SLC38A7: variants seen among roughly 807,000 people sequenced by gnomAD.
The protein encoded by SLC38A7 is sodium-coupled neutral amino acid transporter 7.
Under a neutral mutation model 50.1 loss-of-function variants are expected in SLC38A7, and 29 were observed. The observed-to-expected ratio is 0.58, with a 90% CI of 0.43 to 0.79. SLC38A7 has a LOEUF of 0.79. Among genes scored for constraint, SLC38A7 ranks in the 30% least tolerant of loss-of-function variants. The pLI, the probability that SLC38A7 is intolerant of heterozygous loss-of-function variation, is 0.00. For synonymous variants in SLC38A7, 244 were observed against 245.9 expected (o/e 0.99, Z 0.07); for missense variants, 483 against 610.6 (o/e 0.79, Z 2.20).
Position 58,678,690 on chromosome 16 carries a change from G to C in SLC38A7, c.469+6C>G. 1 of 1,613,512 alleles carries C rather than the reference G, an allele frequency of 6.2e-7. No individual in the cohort carries two copies. The highest frequency in any genetic ancestry group is 1.1e-5 in the South Asian group (1 of 91,018). On this transcript the variant is annotated splice_donor_region_variant and intron_variant, in intron 4 of 11. Transcript: ENST00000219320. This position sits in a 1 kb window ranked among gnomAD's most constrained non-coding sequence, Gnocchi z 4.0. ...AGATGGGGTAGGGACTGAGGGAGAAGCTCACTCTTGTCCTGCTGGTCGCCA... is the reference window on the plus strand; with the variant it reads ...AGATGGGGTAGGGACTGAGGGAGAACCTCACTCTTGTCCTGCTGGTCGCCA...
rs566577909 is a variant in SLC38A7, at chr16:58,669,992, AC to A, written c.1286+120del. On this transcript the variant is annotated intron_variant, in intron 11 of 11. Transcript: ENST00000219320. ...TCCGGCTCAAAAAAAAAAAAACAAA[AC>A]AAAAACCCATGATTTCTAAGTACAC... 141 of 896,962 alleles carry A rather than the reference AC, an allele frequency of 1.6e-4. No homozygotes were observed. The African/African-American group carries it at 2.3e-3, about 15-fold the overall frequency. 55.6% of individuals were successfully genotyped at this position (896,962 alleles called of 1,614,324 possible). A position where few individuals can be genotyped will look rare whatever the true frequency, so the allele number is the denominator to read the frequency against.
Position 58,678,919 on chromosome 16 carries a change from C to T in SLC38A7, c.271-25G>A. 1 of 1,606,858 alleles carries T rather than the reference C, an allele frequency of 6.2e-7. No individual in the cohort carries two copies. On this transcript the variant is annotated intron_variant, in intron 3 of 11. Coordinates refer to ENST00000219320, the MANE Select transcript of SLC38A7 (RefSeq NM_018231.3). This position sits in a 1 kb window ranked among gnomAD's most constrained non-coding sequence, Gnocchi z 4.0. ...CCTGCAGGCAGAGGCAGAACAAGAGCTTGTGGCAAAGGCCTGGCAGCAGAG... is the reference window on the plus strand; with the variant it reads ...CCTGCAGGCAGAGGCAGAACAAGAGTTTGTGGCAAAGGCCTGGCAGCAGAG...
At position 58,665,650 on chromosome 16, in the gene SLC38A7, A is replaced by G. The variant is rs530676561; in HGVS notation, c.*1735T>C. 33 of 152,840 alleles carry G rather than the reference A, an allele frequency of 2.2e-4. 1 individual carries two copies. The South Asian group carries it at 6.6e-3, about 31-fold the overall frequency. The allele number at this position is 152,840 out of a possible 1,614,324, so 9.5% of individuals were successfully genotyped here. Reference sequence around the variant, plus strand: ...GGGACAAGGAAATGCTAGGGGCTCCAGGTGGAGGAGGAAGTCTGATTGGTG... The same window carrying G: ...GGGACAAGGAAATGCTAGGGGCTCCGGGTGGAGGAGGAAGTCTGATTGGTG... On this transcript the variant is annotated 3_prime_UTR_variant, in exon 12 of 12. Coordinates refer to ENST00000219320, the MANE Select transcript of SLC38A7 (RefSeq NM_018231.3).
Position 58,679,936 on chromosome 16 carries a change from C to A in SLC38A7, c.191G>T (p.Cys64Phe), listed in dbSNP as rs779040411. 6.2e-7 allele frequency: 1 copy of A among 1,612,016 alleles called. No individual in the cohort carries two copies. Among genetic ancestry groups the A allele is most frequent in the Admixed American group, 1.7e-5 (1 of 59,866 alleles). ...LGAIFIVVNACLGAGLLNFPA... is the reference protein window; with the variant it reads ...LGAIFIVVNAFLGAGLLNFPA... ...GAAGTTGAGTAACCCTGCACCCAGG[C>A]ACGCGTTGACGACGATGAAGATGGC... The change falls in exon 3 of 12, where the codon TGC becomes TTC. Residue 64 changes from cysteine (C) to phenylalanine (F), a missense_variant. Coordinates refer to ENST00000219320, the MANE Select transcript of SLC38A7 (RefSeq NM_018231.3).
intron 8 of SLC38A7, among the ~76,000 whole-genome samples, chr16:58,674,902 C>A (rs930609446): frequency 3.0e-4 from 46 of 152,220 alleles, no homozygotes; most frequent in African/African-American, 1.1e-3. Context: ...CCAGAGCCAC[C>A]TTTCCCCGAA....
At chr16:58,677,909 T>G (rs929804271) in intron 5 of SLC38A7, among the ~76,000 whole-genome samples, 7 of 151,954 alleles carry the variant, frequency 4.6e-5, no homozygotes, top group South Asian at 2.1e-4. Context: ...AAGCCTAGAA[T>G]CCCACAGCCT....
chr16:58,679,174 T>C (rs1222638388), intron 3 of SLC38A7, among the ~76,000 whole-genome samples: 1 of 152,198 alleles, frequency 6.6e-6, no homozygotes, highest in Non-Finnish European at 1.5e-5. Flanking sequence ...GGAGGATCAC[T>C]TGAAGTCAGG....
chr16:58,672,108 T>G lies in SLC38A7; in HGVS notation c.1019A>C (p.His340Pro). The G allele has an allele frequency of 6.4e-7, 1 of 1,557,140 alleles. No homozygotes were observed. Among genetic ancestry groups the G allele is most frequent in the Non-Finnish European group, 8.7e-7 (1 of 1,150,726 alleles). Residue 340 changes from histidine (H) to proline (P), a missense_variant, in exon 9 of 12, where the codon CAC becomes CCC. By Grantham distance (77) the His-to-Pro change is moderately conservative. Coordinates refer to ENST00000219320, the MANE Select transcript of SLC38A7 (RefSeq NM_018231.3). The stretch of plus-strand genomic sequence containing the variant: ...GAAGGGGGCTCACCGCCCACAGAAG[T>G]GCAGGATAGGGTAGGAGGTGAGCAC... ...LSVLTSYPILHFCGRAVVEGL... is the reference protein window; with the variant it reads ...LSVLTSYPILPFCGRAVVEGL...
At chr16:58,675,710 G>A (rs375027653) in intron 8 of SLC38A7, among the ~76,000 whole-genome samples, 1 of 152,120 alleles carries the variant, frequency 6.6e-6, no homozygotes, top group Non-Finnish European at 1.5e-5. Flanking sequence ...GCTGAGAACC[G>A]TTCCTGGCAC....
At chr16:58,680,438 G>A (rs1314961842) in intron 2 of SLC38A7, among the ~76,000 whole-genome samples, 197 bp from the exon 3 acceptor site, 1 of 152,182 alleles carries the variant, frequency 6.6e-6, no homozygotes, top group Non-Finnish European at 1.5e-5. Flanking sequence ...CTTGCTTCAG[G>A]CATACAGACT....
In SLC38A7 at chr16:58,678,735, T is replaced by C. The variant is rs1054128496; in HGVS notation, c.430A>G (p.Ile144Val). 2 of 1,614,150 alleles carry C rather than the reference T, an allele frequency of 1.2e-6. No individual in the cohort carries two copies. The highest frequency in any genetic ancestry group is 1.7e-6 in the Non-Finnish European group (2 of 1,180,016). The change falls in exon 4 of 12, where the codon ATT becomes GTT. Residue 144 changes from isoleucine (I) to valine (V), a missense_variant. Coordinates refer to ENST00000219320, the MANE Select transcript of SLC38A7 (RefSeq NM_018231.3). The surrounding 1 kb of genome is among the most constrained non-coding windows in gnomAD (Gnocchi z 4.0). Reference protein sequence around the residue: ...AIAVYTFGTCIAFLIIIGDQQ... With the variant: ...AIAVYTFGTCVAFLIIIGDQQ... Reference sequence around the variant, plus strand: ...TCGCCAATGATGATTAGGAAGGCAATGCAGGTGCCAAAGGTGTAGACAGCG... The same window carrying C: ...TCGCCAATGATGATTAGGAAGGCAACGCAGGTGCCAAAGGTGTAGACAGCG...
Position 58,678,954 on chromosome 16 carries a change from G to A in SLC38A7, c.271-60C>T. 6.4e-7 allele frequency: 1 copy of A among 1,552,934 alleles called. No individual in the cohort carries two copies. The highest frequency in any genetic ancestry group is 2.3e-5 in the East Asian group (1 of 44,148). On this transcript the variant is annotated intron_variant, in intron 3 of 11. Transcript: ENST00000219320. The surrounding 1 kb of genome is among the most constrained non-coding windows in gnomAD (Gnocchi z 4.0). ...AGGCCTGGCAGCAGAGGGCACCCTG[G>A]GCTCGCCTAGCATTTACTGGGCCAG...
chr16:58,673,376 C>T (rs1393980051), intron 8 of SLC38A7, among the ~76,000 whole-genome samples: 1 of 151,956 alleles, frequency 6.6e-6, no homozygotes, highest in Non-Finnish European at 1.5e-5. Flanking sequence ...GCTGGGATTA[C>T]AGGCGCCCGC....
intron 8 of SLC38A7, among the ~76,000 whole-genome samples, chr16:58,673,051 C>T (rs1190674918): frequency 6.7e-6 from 1 of 149,428 alleles, no homozygotes; most frequent in Non-Finnish European, 1.5e-5. Context: ...CCTCAGCCTC[C>T]TGAGTAGCTG....
At position 58,679,993 on chromosome 16, in the gene SLC38A7, C is replaced by T. The variant is rs1340679489; in HGVS notation, c.134G>A (p.Gly45Asp). The T allele has an allele frequency of 2.5e-6, 4 of 1,612,194 alleles. No individual in the cohort carries two copies. The highest frequency in any genetic ancestry group is 3.4e-6 in the Non-Finnish European group (4 of 1,179,026). The change falls in exon 3 of 12, where the codon GGT becomes GAT. Residue 45 changes from glycine to aspartate, a missense_variant. Gly to Asp is a moderately conservative substitution (Grantham distance 94). Transcript: ENST00000219320. ...TGTGGAAGTGGTGCCTCTGTCCAGA[C>T]CCCCAGGAGAGGCTTCCCACTCACT... ...PKSEWEASPG[G>D]LDRGTTSTLG...
At chr16:58,671,955 G>A (rs967024416) in intron 9 of SLC38A7, 141 bp downstream of exon 9, 8 of 1,026,634 alleles carry the variant, frequency 7.8e-6, no homozygotes, top group Non-Finnish European at 1.1e-5. Flanking sequence ...GGGATATGTA[G>A]GGACCCATCC....
intron 6 of SLC38A7, among the ~76,000 whole-genome samples, chr16:58,676,744 C>T (rs1021239351): frequency 3.9e-5 from 6 of 152,114 alleles, no homozygotes; most frequent in Admixed American, 1.3e-4. Context: ...TTCTGCCTCC[C>T]AGGTTCACGC....
At position 58,679,953 on chromosome 16, in the gene SLC38A7, G is replaced by A; in HGVS notation, c.174C>T (p.Phe58=). The A allele has an allele frequency of 2.5e-6, 4 of 1,612,042 alleles. No homozygotes were observed. Among genetic ancestry groups the A allele is most frequent in the Non-Finnish European group, 3.4e-6 (4 of 1,178,672 alleles). ...CACCCAGGCACGCGTTGACGACGAT[G>A]AAGATGGCCCCAAGTGTGGAAGTGG... ...RGTTSTLGAI[F]IVVNACLGAG... Residue 58 remains phenylalanine, a synonymous_variant, in exon 3 of 12, where the codon TTC becomes TTT. Coordinates refer to ENST00000219320, the MANE Select transcript of SLC38A7 (RefSeq NM_018231.3).
Position 58,680,152 on chromosome 16 carries a change from G to A in SLC38A7, c.-26C>T, listed in dbSNP as rs964543980. ...GGCCCCGAGAGCCTTCTTCCTGCAAGGTCTGTGGGTTCTGCCTTACAACCA... is the reference window on the plus strand; with the variant it reads ...GGCCCCGAGAGCCTTCTTCCTGCAAAGTCTGTGGGTTCTGCCTTACAACCA... On this transcript the variant is annotated 5_prime_UTR_variant, in exon 3 of 12. Transcript: ENST00000219320. The A allele has an allele frequency of 9.9e-6, 15 of 1,509,170 alleles. No individual in the cohort carries two copies. The highest frequency in any genetic ancestry group is 2.3e-5 in the East Asian group (1 of 43,608). The allele number at this position is 1,509,170 out of a possible 1,614,324, so 93.5% of individuals were successfully genotyped here.
Sources: gnomAD v4.1 joint callset for allele counts (sites outside exome capture counted in the v4.1 genomes callset) on GRCh38, gnomAD v4.1.1 for gene constraint, Gnocchi (gnomAD v3.1) non-coding constraint, MANE v1.5 for transcripts, NCBI Gene and HGNC (gene_info 2026-07-23, HGNC 2026-07-21) for gene names.